CACNA1I: variants seen among roughly 807,000 people sequenced by gnomAD.
The protein encoded by CACNA1I is voltage-dependent T-type calcium channel subunit alpha-1I.
Under a neutral mutation model 201.6 loss-of-function variants are expected in CACNA1I, and 74 were observed. That is an observed-to-expected ratio of 0.37 (90% CI 0.30 to 0.45). CACNA1I has a LOEUF of 0.45. Ranked by LOEUF, CACNA1I falls within the 20% of genes least tolerant of loss-of-function variation. CACNA1I has a pLI of 1.00. For synonymous variants in CACNA1I, 1,431 were observed against 1,345.2 expected, an observed-to-expected ratio of 1.06 and a Z score of -1.40; for missense variants, 2,346 against 3,138.1, an observed-to-expected ratio of 0.75 and a Z score of 6.03.
In CACNA1I at chr22:39,659,147, A is replaced by G; in HGVS notation, c.2330+31A>G. On this transcript the variant is annotated intron_variant, in intron 12 of 36. Coordinates refer to ENST00000402142, the MANE Select transcript of CACNA1I (RefSeq NM_021096.4). The surrounding 1 kb of genome is among the most constrained non-coding windows in gnomAD (Gnocchi z 4.3). ...CCTGCCCTGCTGGGGGCCATACCTC[A>G]GCACCTGCTGGGGCTGTGGGCGGGA... 6.2e-7 allele frequency: 1 copy of G among 1,608,872 alleles called. No individual in the cohort carries two copies. Among genetic ancestry groups the G allele is most frequent in the Non-Finnish European group, 8.5e-7 (1 of 1,178,694 alleles).
rs536975706 is a variant in CACNA1I, at chr22:39,607,410, C to G, written c.482+6757C>G. Among the ~76,000 whole-genome samples, 14 of 152,346 alleles carry G rather than the reference C, an allele frequency of 9.2e-5. No homozygotes were observed. The South Asian group carries it at 2.9e-3, about 32-fold the overall frequency. ...TGGCCTTAGCTCAGGGATCCACTGC[C>G]AGCAGGCAGGCAGAGCTTAGAAATC... On this transcript the variant is annotated intron_variant, in intron 3 of 36. Transcript: ENST00000402142.
At chr22:39,584,335 G>T (rs768186666) in intron 1 of CACNA1I, among the ~76,000 whole-genome samples, 1 of 152,148 alleles carries the variant, frequency 6.6e-6, no homozygotes, top group Non-Finnish European at 1.5e-5. Context: ...CTTCATGGAG[G>T]TGGGACATGC....
chr22:39,679,405 C>G lies in CACNA1I; in HGVS notation c.5354C>G (p.Thr1785Ser), dbSNP rs1392660541. The change falls in exon 32 of 37, where the codon ACC (threonine) becomes AGC (serine). Residue 1785 changes from threonine (T) to serine (S), a missense_variant. Around this residue, in one of 13 missense-constraint regions of CACNA1I, gnomAD observed 441 missense variants for 555.6 expected, o/e 0.79. Transcript: ENST00000402142. The stretch of plus-strand genomic sequence containing the variant: ...GGAGGGGCGGGCGGCGGGGGCGACA[C>G]CGAGGGCGGCTTGTGCCGGCGCTGC... ...GPGGAGGGGD[T>S]EGGLCRRCYS... 22 of 1,448,018 alleles carry G rather than the reference C, an allele frequency of 1.5e-5. No homozygotes were observed. The highest frequency in any genetic ancestry group is 1.9e-5 in the Non-Finnish European group (21 of 1,112,948). 89.7% of individuals were successfully genotyped at this position (1,448,018 alleles called of 1,614,324 possible).
At position 39,649,812 on chromosome 22, in the gene CACNA1I, C is replaced by G. The variant is rs567197463; in HGVS notation, c.1879C>G (p.Arg627Gly). The G allele has an allele frequency of 6.2e-7, 1 of 1,611,264 alleles. No individual in the cohort carries two copies. The highest frequency in any genetic ancestry group is 1.3e-5 in the African/African-American group (1 of 74,898). ...GAVWLCGDVW[R>G]ETRAKLRGIV... ...GGTCTGGCTGTGCGGGGATGTGTGG[C>G]GGGAGACGCGAGCCAAGCTGCGCGG... Residue 627 changes from arginine to glycine, a missense_variant, in exon 10 of 37, where the codon CGG (arginine) becomes GGG (glycine). By Grantham distance (125) the Arg-to-Gly change is moderately radical. Coordinates refer to ENST00000402142, the MANE Select transcript of CACNA1I (RefSeq NM_021096.4). This position sits in a 1 kb window ranked among gnomAD's most constrained non-coding sequence, Gnocchi z 7.3.
In CACNA1I at chr22:39,668,449, G is replaced by A. The variant is rs149256670; in HGVS notation, c.4194+68G>A. 6.4e-4 allele frequency: 662 copies of A among 1,041,116 alleles called. 4 individuals are homozygous for A. In the African/African-American group the frequency reaches 9.1e-3, roughly 14 times the overall value. The allele number at this position is 1,041,116 out of a possible 1,614,324, so 64.5% of individuals were successfully genotyped here. On this transcript the variant is annotated intron_variant, in intron 24 of 36. Transcript: ENST00000402142. ...AACATGGTGTCCTTGGGGCCCAGTG[G>A]TTTGAATTTGAAACTGGTGCCAATG...
Position 39,686,546 on chromosome 22 carries a change from G to A in CACNA1I, c.*141G>A. ...GGCACAGGCGCCCGACAGCCGGGCTGAGCGGAGTCTGGGTTAGCCAGGCCT... is the reference window on the plus strand; with the variant it reads ...GGCACAGGCGCCCGACAGCCGGGCTAAGCGGAGTCTGGGTTAGCCAGGCCT... On this transcript the variant is annotated 3_prime_UTR_variant, in exon 37 of 37. Transcript: ENST00000402142. 1.7e-6 allele frequency: 1 copy of A among 577,604 alleles called. No individual in the cohort carries two copies. The highest frequency in any genetic ancestry group is 2.5e-6 in the Non-Finnish European group (1 of 407,548). 35.8% of individuals were successfully genotyped at this position (577,604 alleles called of 1,614,324 possible).
chr22:39,651,470 A>C (rs1376532862), intron 10 of CACNA1I, among the ~76,000 whole-genome samples: 1 of 152,204 alleles, frequency 6.6e-6, no homozygotes, highest in African/African-American at 2.4e-5. Context: ...GGCTAGCGAG[A>C]GGGCTCTCTG....
rs1014830674 is a variant in CACNA1I at position 39,658,904 on chromosome 22, C to T, written c.2145-27C>T. On this transcript the variant is annotated intron_variant, in intron 11 of 36. Coordinates refer to ENST00000402142, the MANE Select transcript of CACNA1I (RefSeq NM_021096.4). The stretch of plus-strand genomic sequence containing the variant: ...CTCCTACTGCTGCCTCCTACCTGTA[C>T]CCTGGGCCTGCCCTGCGGGACCGCA... 5 of 1,561,994 alleles carry T rather than the reference C, an allele frequency of 3.2e-6. No individual in the cohort carries two copies. In the African/African-American group the frequency reaches 4.1e-5, roughly 13 times the overall value.
chr22:39,671,737 A>T (rs1935383725), intron 26 of CACNA1I, among the ~76,000 whole-genome samples: 1 of 152,242 alleles, frequency 6.6e-6, no homozygotes, highest in Non-Finnish European at 1.5e-5. Flanking sequence ...AACAATAATT[A>T]TACAACTTCC....
rs956418022 is a variant in CACNA1I, at chr22:39,634,499, C to G, written c.581-66C>G. On this transcript the variant is annotated intron_variant, in intron 4 of 36. Transcript: ENST00000402142. ...CCCTCCCTGTTTCTCTAACCTTGCT[C>G]TCACTCTTTCGTCTCTGGGACCTCT... The G allele has an allele frequency of 1.4e-5, 22 of 1,520,326 alleles. No individual in the cohort carries two copies. The African/African-American group carries it at 2.9e-4, about 20-fold the overall frequency. 94.2% of individuals were successfully genotyped at this position (1,520,326 alleles called of 1,614,324 possible).
chr22:39,586,705 C>G (rs1036725153), intron 1 of CACNA1I, among the ~76,000 whole-genome samples: 1 of 152,080 alleles, frequency 6.6e-6, no homozygotes, highest in Non-Finnish European at 1.5e-5. Flanking sequence ...TGGGAATGCA[C>G]ACATGAACAC....
In CACNA1I at chr22:39,686,010, A is replaced by C. The variant is rs1485338918; in HGVS notation, c.6277A>C (p.Thr2093Pro). 8.0e-7 allele frequency: 1 copy of C among 1,243,330 alleles called. No homozygotes were observed. The highest frequency in any genetic ancestry group is 1.0e-6 in the Non-Finnish European group (1 of 998,772). 77.0% of individuals were successfully genotyped at this position (1,243,330 alleles called of 1,614,324 possible). The change falls in exon 37 of 37, where the codon ACC becomes CCC. Residue 2093 changes from threonine (T) to proline (P), a missense_variant. By Grantham distance (38) the Thr-to-Pro change is conservative. Transcript: ENST00000402142. Reference protein sequence around the residue: ...HQRSHSSGGSTSPGCTHHDSM... With the variant: ...HQRSHSSGGSPSPGCTHHDSM... ...GCGCAGCCACAGCAGCGGGGGCTCC[A>C]CCAGCCCGGGCTGCACCCACCACGA...
rs1400233736 is a variant in CACNA1I at position 39,642,826 on chromosome 22, C to A, written c.1086C>A (p.Ile362=). The change falls in exon 7 of 37, where the codon ATC becomes ATA. Residue 362 remains isoleucine (I), a synonymous_variant. Transcript: ENST00000402142. ...TCACTCTGGAAGGCTGGGTGGAGAT[C>A]ATGTACTACGTGATGGATGCTCACT... ...QVITLEGWVE[I]MYYVMDAHSF... is the part of the protein sequence containing the mutation. 2 of 1,611,460 alleles carry A rather than the reference C, an allele frequency of 1.2e-6. No homozygotes were observed. Among genetic ancestry groups the A allele is most frequent in the East Asian group, 2.2e-5 (1 of 44,854 alleles).
At position 39,649,214 on chromosome 22, in the gene CACNA1I, G is replaced by A. The variant is rs931262430; in HGVS notation, c.1568-287G>A. ...GCCAGGAGGGATGGCCGGTCAGCAC[G>A]GATGCGCGCCCTGCACCGTGCTGGG... is the stretch of plus-strand genomic sequence containing the variant. On this transcript the variant is annotated intron_variant, in intron 9 of 36. Coordinates refer to ENST00000402142, the MANE Select transcript of CACNA1I (RefSeq NM_021096.4). This position sits in a 1 kb window ranked among gnomAD's most constrained non-coding sequence, Gnocchi z 7.3. Among the ~76,000 whole-genome samples, 3 of 152,186 alleles carry A rather than the reference G, an allele frequency of 2.0e-5. No individual in the cohort carries two copies. Among genetic ancestry groups the A allele is most frequent in the Admixed American group, 6.5e-5 (1 of 15,290 alleles).
rs544662983 is a variant in CACNA1I, at chr22:39,672,409, C to T, written c.4649+101C>T. ...GTCTGGAGCAGCCTGAAGAGGGGAA[C>T]CAGTAAGCATCTAGGCACGGATGGA... On this transcript the variant is annotated intron_variant, in intron 27 of 36. Transcript: ENST00000402142. 11 of 793,944 alleles carry T rather than the reference C, an allele frequency of 1.4e-5. No individual in the cohort carries two copies. The African/African-American group carries it at 1.5e-4, about 11-fold the overall frequency. 49.2% of individuals were successfully genotyped at this position (793,944 alleles called of 1,614,324 possible).
At chr22:39,657,959 G>A (rs984529166) in intron 10 of CACNA1I, among the ~76,000 whole-genome samples, 193 bp from the exon 11 acceptor site, 4 of 152,216 alleles carry the variant, frequency 2.6e-5, no homozygotes, top group Non-Finnish European at 5.9e-5. Context: ...CATCTCAGCA[G>A]ACCTCTCACG....
In CACNA1I at chr22:39,686,450, C is replaced by T. The variant is rs1034209038; in HGVS notation, c.*45C>T. On this transcript the variant is annotated 3_prime_UTR_variant, in exon 37 of 37. Coordinates refer to ENST00000402142, the MANE Select transcript of CACNA1I (RefSeq NM_021096.4). ...CCGCCCACCGCCCGCCCCGTCTCAC[C>T]TTCTTTACCTCAGGAGCCAGGAGCA... The T allele has an allele frequency of 1.6e-5, 19 of 1,176,134 alleles. No homozygotes were observed. The highest frequency in any genetic ancestry group is 2.0e-5 in the Non-Finnish European group (19 of 938,158). The allele number at this position is 1,176,134 out of a possible 1,614,324, so 72.9% of individuals were successfully genotyped here.
chr22:39,665,975 A>G lies in CACNA1I; in HGVS notation c.4073A>G (p.His1358Arg), dbSNP rs1481091104. The change falls in exon 23 of 37, where the codon CAT (histidine) becomes CGT (arginine). Residue 1358 changes from histidine to arginine, a missense_variant. By Grantham distance (29) the His-to-Arg change is conservative. This residue lies in a region of CACNA1I where 228 missense variants were observed against 395.7 expected (regional missense o/e 0.58). Transcript: ENST00000402142. This position sits in a 1 kb window ranked among gnomAD's most constrained non-coding sequence, Gnocchi z 5.5. ...ATGGCCGCCAACTACCGCTGGGTCC[A>G]TCACAAATACAACTTCGACAACCTG... ...DCMAANYRWV[H>R]HKYNFDNLGQ... is the part of the protein sequence containing the mutation. 1 of 1,613,742 alleles carries G rather than the reference A, an allele frequency of 6.2e-7. No homozygotes were observed. The highest frequency in any genetic ancestry group is 8.5e-7 in the Non-Finnish European group (1 of 1,179,850).
At chr22:39,651,091 C>A (rs1934633066) in intron 10 of CACNA1I, among the ~76,000 whole-genome samples, 1 of 152,228 alleles carries the variant, frequency 6.6e-6, no homozygotes, top group East Asian at 1.9e-4. Context: ...TGAACCCACT[C>A]CCCAGCTCTG....
Sources: gnomAD v4.1 joint callset for allele counts (sites outside exome capture counted in the v4.1 genomes callset) on GRCh38, gnomAD v4.1.1 for gene constraint, gnomAD v4.1.1 regional missense constraint, Gnocchi (gnomAD v3.1) non-coding constraint, MANE v1.5 for transcripts, NCBI Gene and HGNC (gene_info 2026-07-23, HGNC 2026-07-21) for gene names.